The following RASSF3 variants were observed in gnomAD, a reference collection of about 807,000 sequenced individuals.
RASSF3 encodes ras association domain-containing protein 3.
RASSF3 carries 19 observed loss-of-function variants against 19.9 expected under a neutral mutation model. The ratio of observed to expected loss-of-function variants is 0.96; its 90% CI spans 0.67 to 1.40. The LOEUF (loss-of-function observed/expected upper bound fraction) is 1.40. Among genes scored for constraint, RASSF3 ranks in the 40% most tolerant of loss-of-function variants. The pLI is 0.00. For synonymous variants in RASSF3, 110 were observed against 104.2 expected (o/e 1.06, Z -0.34); for missense variants, 306 against 289.8 (o/e 1.06, Z -0.41).
chr12:64,655,477 T>G (rs1191189473), intron 1 of RASSF3, among the ~76,000 whole-genome samples: 1 of 152,026 alleles, frequency 6.6e-6, no homozygotes, highest in African/African-American at 2.4e-5. Context: ...TATATTTTTT[T>G]TTCCTTTTTT....
At chr12:64,565,901 A>AT (rs58412784) in intron 2 of RASSF3, among the ~76,000 whole-genome samples, 3 of 148,390 alleles carry the variant, frequency 2.0e-5, no homozygotes, top group East Asian at 2.0e-4. Context: ...AAAAAAAAAA[A>AT]GGATAGAAGA....
At chr12:64,690,471 C>T (rs1204459166) in intron 3 of RASSF3, among the ~76,000 whole-genome samples, 1 of 152,098 alleles carries the variant, frequency 6.6e-6, no homozygotes, top group African/African-American at 2.4e-5. Flanking sequence ...AGGTATGAGC[C>T]ACCACGCCTG....
intron 1 of RASSF3, among the ~76,000 whole-genome samples, chr12:64,670,370 G>GTTTTT (rs113065463): frequency 0.15 from 20,980 of 143,304 alleles, 2,014 homozygotes; most frequent in South Asian, 0.21. Flanking sequence ...AGATTTTACT[G>GTTTTT]TTTTTTTTTT....
At chr12:64,640,736 G>GC (rs1871486427) in intron 1 of RASSF3, among the ~76,000 whole-genome samples, 1 of 151,920 alleles carries the variant, frequency 6.6e-6, no homozygotes, top group Non-Finnish European at 1.5e-5. Flanking sequence ...TCAACCTCCC[G>GC]GGCCCAAGTG....
intron 1 of RASSF3, among the ~76,000 whole-genome samples, chr12:64,635,559 TTCATC>T (rs1871303710): frequency 6.6e-6 from 1 of 152,214 alleles, no homozygotes; most frequent in Non-Finnish European, 1.5e-5. Context: ...CCCATACTGA[TTCATC>T]TCATTCTCAC....
At chr12:64,665,696 A>G (rs1454113051) in intron 1 of RASSF3, among the ~76,000 whole-genome samples, 2 of 152,182 alleles carry the variant, frequency 1.3e-5, no homozygotes, top group African/African-American at 4.8e-5. Flanking sequence ...CTTAATTTGC[A>G]TGTAATTAAA....
At chr12:64,536,965 G>A (rs781273588) in intron 1 of RASSF3, among the ~76,000 whole-genome samples, 4 of 152,204 alleles carry the variant, frequency 2.6e-5, no homozygotes, top group Non-Finnish European at 4.4e-5. Context: ...ACTTCAAGGC[G>A]AGGTCTCTTT....
chr12:64,662,813 G>A (rs957799824), intron 1 of RASSF3, among the ~76,000 whole-genome samples: 4 of 152,290 alleles, frequency 2.6e-5, no homozygotes, highest in Middle Eastern at 3.4e-3. Context: ...GGGGCATGGT[G>A]TCTGTGGAAG....
chr12:64,515,009 A>G (rs905865602), intron 1 of RASSF3, among the ~76,000 whole-genome samples: 30 of 147,522 alleles, frequency 2.0e-4, no homozygotes, highest in African/African-American at 4.3e-4. Flanking sequence ...TTTTCATATA[A>G]TAAAACATTT....
intron 2 of RASSF3, among the ~76,000 whole-genome samples, chr12:64,556,989 A>G (rs1024614038): frequency 6.6e-5 from 10 of 151,970 alleles, no homozygotes; most frequent in African/African-American, 2.2e-4. Context: ...GGCGTGCGCC[A>G]CCATGCCTGG....
chr12:64,618,370 A>G (rs957077399), intron 1 of RASSF3, among the ~76,000 whole-genome samples: 41 of 152,182 alleles, frequency 2.7e-4, no homozygotes, highest in African/African-American at 7.5e-4. Context: ...TCTGTTGCCC[A>G]GGCTGGAGTG....
Position 64,667,767 on chromosome 12 carries a change from C to T in RASSF3, c.112-17020C>T, listed in dbSNP as rs762706865. On this transcript the variant is annotated intron_variant, in intron 1 of 4. Coordinates refer to ENST00000542104, the MANE Select transcript of RASSF3 (RefSeq NM_178169.4). The stretch of plus-strand genomic sequence containing the variant: ...CTATGCAGAACATGGCTTATCTCTG[C>T]GGGCAAGTGGCCTTCCTGAGGCTCA... Among the ~76,000 whole-genome samples, 65 of 152,296 alleles carry T rather than the reference C, an allele frequency of 4.3e-4. 1 individual carries two copies. The highest frequency in any genetic ancestry group is 7.4e-4 in the Non-Finnish European group (50 of 68,024).
At chr12:64,554,043 G>A (rs1592398977) in intron 2 of RASSF3, among the ~76,000 whole-genome samples, 1 of 151,492 alleles carries the variant, frequency 6.6e-6, no homozygotes, top group Admixed American at 6.6e-5. Flanking sequence ...ATGCACTTTT[G>A]GATTAAGAAT....
downstream of RASSF3, among the ~76,000 whole-genome samples, chr12:64,545,333 G>T (rs1869035402): frequency 6.6e-6 from 1 of 152,106 alleles, no homozygotes; most frequent in Non-Finnish European, 1.5e-5. Flanking sequence ...TTCTCAAAAG[G>T]TACCTGAACT....
intron 2 of RASSF3, 139 bp from the exon 3 acceptor site, chr12:64,688,077 A>G (rs1410671498): frequency 4.1e-6 from 3 of 723,380 alleles, no homozygotes; most frequent in Admixed American, 2.1e-5. Flanking sequence ...TTTGGGGGCA[A>G]TCTTTAGTGA....
At chr12:64,582,521 C>T (rs542085173) in intron 2 of RASSF3, among the ~76,000 whole-genome samples, 2 of 152,268 alleles carry the variant, frequency 1.3e-5, no homozygotes, top group African/African-American at 4.8e-5. Flanking sequence ...CTTTTTCTGT[C>T]TTCAAGACAT....
At chr12:64,658,945 C>G (rs1363580525) in intron 1 of RASSF3, among the ~76,000 whole-genome samples, 1 of 152,184 alleles carries the variant, frequency 6.6e-6, no homozygotes, top group African/African-American at 2.4e-5. Context: ...TGATGTACAC[C>G]TGTAGTCCCA....
intron 1 of RASSF3, among the ~76,000 whole-genome samples, chr12:64,523,138 G>A (rs1592388051): frequency 1.3e-5 from 2 of 152,320 alleles, no homozygotes; most frequent in East Asian, 3.9e-4. Context: ...AGGCACGGTG[G>A]CTCAAGCCTG....
At chr12:64,516,995 T>A in intron 1 of RASSF3, among the ~76,000 whole-genome samples, 1 of 80,984 alleles carries the variant, frequency 1.2e-5, no homozygotes, top group East Asian at 3.1e-4. Flanking sequence ...TGAAAATCTG[T>A]CTCAAAAAAA....
Sources: allele counts gnomAD v4.1 joint callset (sites outside exome capture counted in the v4.1 genomes callset), GRCh38; gene constraint gnomAD v4.1.1; transcripts MANE v1.5; gene names NCBI Gene and HGNC (gene_info 2026-07-23, HGNC 2026-07-21).